TTC28: variants seen among roughly 807,000 people sequenced by gnomAD.
The protein encoded by TTC28 is tetratricopeptide repeat domain 28, also known as tetratricopeptide repeat protein 28.
Under a neutral mutation model 198.0 loss-of-function variants are expected in TTC28, and 61 were observed. The ratio of observed to expected loss-of-function variants is 0.31; its 90% CI spans 0.25 to 0.38. The LOEUF (loss-of-function observed/expected upper bound fraction) is 0.38, where lower values mean the gene tolerates loss of function less well. Ranked by LOEUF, TTC28 falls within the 10% of genes least tolerant of loss-of-function variation. The pLI is 1.00. For missense variants in TTC28, 2,678 were observed against 3,164.0 expected (o/e 0.85, Z 3.69); for synonymous variants, 1,171 against 1,297.8 (o/e 0.90, Z 2.10).
At chr22:28,097,623 C>T (rs768908505) in intron 10 of TTC28, among the ~76,000 whole-genome samples, 10 of 152,124 alleles carry the variant, frequency 6.6e-5, no homozygotes, top group Admixed American at 1.3e-4. Context: ...CACAATGCAG[C>T]GGATTTACTT....
At chr22:28,340,719 G>T (rs2045815439) in intron 2 of TTC28, among the ~76,000 whole-genome samples, 1 of 152,112 alleles carries the variant, frequency 6.6e-6, no homozygotes, top group Non-Finnish European at 1.5e-5. Flanking sequence ...TAATTACCAA[G>T]AACCTAATCT....
At chr22:28,177,281 T>C (rs1325255295) in intron 5 of TTC28, among the ~76,000 whole-genome samples, 4 of 152,170 alleles carry the variant, frequency 2.6e-5, no homozygotes, top group Non-Finnish European at 5.9e-5. Context: ...CATTAGGGAA[T>C]GGCAAACTAA....
intron 2 of TTC28, among the ~76,000 whole-genome samples, chr22:28,505,256 CAAAAAAAA>C (rs35503278): frequency 1.3e-5 from 1 of 75,414 alleles, no homozygotes; most frequent in African/African-American, 5.1e-5. Flanking sequence ...GACTCCGTCT[CAAAAAAAA>C]AAAAAAAAAA....
intron 2 of TTC28, among the ~76,000 whole-genome samples, chr22:28,440,420 AGAGAG>A (rs2047601594): frequency 6.6e-6 from 1 of 152,200 alleles, no homozygotes. Flanking sequence ...AGCAGAGAAA[AGAGAG>A]GAGAGAGCTC....
chr22:28,388,621 T>C (rs1601730468), intron 2 of TTC28, among the ~76,000 whole-genome samples: 1 of 152,260 alleles, frequency 6.6e-6, no homozygotes, highest in Non-Finnish European at 1.5e-5. Flanking sequence ...TGAATGGGAG[T>C]TCACTCATGA....
intron 12 of TTC28, among the ~76,000 whole-genome samples, chr22:28,092,820 C>T (rs567752274): frequency 1.3e-4 from 20 of 152,140 alleles, no homozygotes; most frequent in Admixed American, 2.0e-4. Context: ...TTGTTAAGGA[C>T]GGGGATACTT....
intron 2 of TTC28, among the ~76,000 whole-genome samples, chr22:28,482,207 C>CTTTTTTTT (rs36011379): frequency 9.0e-5 from 6 of 66,938 alleles, no homozygotes; most frequent in Admixed American, 4.7e-4. Flanking sequence ...AATGGGCAGT[C>CTTTTTTTT]TTTTTTTTTT....
intron 12 of TTC28, among the ~76,000 whole-genome samples, chr22:28,091,042 C>T (rs1941797442): frequency 6.6e-6 from 1 of 152,174 alleles, no homozygotes; most frequent in Non-Finnish European, 1.5e-5. Flanking sequence ...ATCCTAAGGA[C>T]TCATTAGCTC....
At chr22:28,552,143 A>T (rs1569020136) in intron 2 of TTC28, among the ~76,000 whole-genome samples, 1 of 152,202 alleles carries the variant, frequency 6.6e-6, no homozygotes, top group African/African-American at 2.4e-5. Context: ...CACAAAAAAA[A>T]TAATAAAATA....
At chr22:28,657,944 A>G (rs1327847470) in intron 1 of TTC28, among the ~76,000 whole-genome samples, 2 of 152,166 alleles carry the variant, frequency 1.3e-5, no homozygotes, top group East Asian at 3.8e-4. Context: ...AAAATTAAAA[A>G]TGGTCCATGT....
chr22:28,413,820 A>C (rs2047126937), intron 2 of TTC28, among the ~76,000 whole-genome samples: 1 of 152,256 alleles, frequency 6.6e-6, no homozygotes, highest in Non-Finnish European at 1.5e-5. Context: ...ATGATACAGC[A>C]AAATAAATGA....
At chr22:28,675,735 T>TCA (rs71316854) in intron 1 of TTC28, among the ~76,000 whole-genome samples, 45,845 of 134,734 alleles carry the variant, frequency 0.34, 7,866 homozygotes, top group Non-Finnish European at 0.39. Flanking sequence ...TGAAACCCTG[T>TCA]CACACACACA....
At chr22:28,041,533 T>C (rs1192003635) in intron 12 of TTC28, among the ~76,000 whole-genome samples, 1 of 152,182 alleles carries the variant, frequency 6.6e-6, no homozygotes, top group Admixed American at 6.5e-5. Context: ...TAGCCATATG[T>C]AGAAAGCTGA....
In TTC28 at chr22:28,398,537, G is replaced by T. The variant is rs140076743; in HGVS notation, c.382-91894C>A. On this transcript the variant is annotated intron_variant, in intron 2 of 22. Transcript: ENST00000397906. Reference sequence around the variant, plus strand: ...CAGTGTGAACACTTTGACAAACTGAGGGTGACTCCAGCATGTAAGGCATTA... The same window carrying T: ...CAGTGTGAACACTTTGACAAACTGATGGTGACTCCAGCATGTAAGGCATTA... Among the ~76,000 whole-genome samples, 41 of 152,296 alleles carry T rather than the reference G, an allele frequency of 2.7e-4. 1 individual carries two copies. The highest frequency in any genetic ancestry group is 9.4e-4 in the African/African-American group (39 of 41,566).
In TTC28 at chr22:28,094,306, G is replaced by A. The variant is rs530787685; in HGVS notation, c.3767-61C>T. On this transcript the variant is annotated intron_variant, in intron 11 of 22. Coordinates refer to ENST00000397906, the MANE Select transcript of TTC28 (RefSeq NM_001145418.2). ...ATTAGGGTCAGAGAAAGGAGAAGTT[G>A]AAGGCAGGGGACAGGAATGCCAATG... The A allele has an allele frequency of 5.5e-6, 8 of 1,443,450 alleles. No homozygotes were observed. The Admixed American group carries it at 1.0e-4, about 18-fold the overall frequency. The allele number at this position is 1,443,450 out of a possible 1,614,324, so 89.4% of individuals were successfully genotyped here. A position where few individuals can be genotyped will look rare whatever the true frequency, so the allele number is the denominator to read the frequency against.
At chr22:28,134,647 A>G (rs1311190729) in intron 6 of TTC28, among the ~76,000 whole-genome samples, 1 of 152,188 alleles carries the variant, frequency 6.6e-6, no homozygotes, top group Admixed American at 6.5e-5. Context: ...AAGTTTAGAG[A>G]AAAAAGAGTA....
At chr22:28,212,158 C>T (rs949758282) in intron 5 of TTC28, among the ~76,000 whole-genome samples, 16 of 151,978 alleles carry the variant, frequency 1.1e-4, no homozygotes, top group Non-Finnish European at 5.9e-5. Flanking sequence ...GCACTAAATG[C>T]CCACAAGAGA....
chr22:28,086,429 A>C (rs1483077093), intron 12 of TTC28, among the ~76,000 whole-genome samples: 1 of 152,180 alleles, frequency 6.6e-6, no homozygotes, highest in Non-Finnish European at 1.5e-5. Context: ...TACATAACAA[A>C]ATGAAGGCAG....
At chr22:28,161,558 G>A (rs879581074) in intron 6 of TTC28, among the ~76,000 whole-genome samples, 6 of 152,032 alleles carry the variant, frequency 3.9e-5, no homozygotes, top group Non-Finnish European at 7.4e-5. Context: ...GGAGGCTGAG[G>A]TGGGAGGATC....
Sources: gnomAD v4.1 joint callset for allele counts (sites outside exome capture counted in the v4.1 genomes callset) on GRCh38, gnomAD v4.1.1 for gene constraint, MANE v1.5 for transcripts, NCBI Gene and HGNC (gene_info 2026-07-23, HGNC 2026-07-21) for gene names.